AFF3: variants seen among roughly 807,000 people sequenced by gnomAD.
AFF3 encodes the protein ALF transcription elongation factor 3, also known as AF4/FMR2 family member 3.
In AFF3, 32 loss-of-function variants were observed where a neutral mutation model predicts 129.7. That is an observed-to-expected ratio of 0.25 (90% CI 0.19 to 0.33). The LOEUF (loss-of-function observed/expected upper bound fraction) is 0.33, where lower values mean the gene tolerates loss of function less well. Ranked by LOEUF, AFF3 falls within the 10% of genes least tolerant of loss-of-function variation. The probability of loss-of-function intolerance (pLI) is 1.00; values close to 1 mark genes in which losing one functional copy is unlikely to be tolerated. For synonymous variants in AFF3, 644 were observed against 635.4 expected, an observed-to-expected ratio of 1.01 and a Z score of -0.20; for missense variants, 1,373 against 1,592.0, an observed-to-expected ratio of 0.86 and a Z score of 2.34.
intron 13 of AFF3, among the ~76,000 whole-genome samples, chr2:99,616,232 T>C (rs1455268470): frequency 6.6e-6 from 1 of 152,192 alleles, no homozygotes; most frequent in Non-Finnish European, 1.5e-5. Context: ...CATTTATTCA[T>C]ATATATTTTC....
At chr2:99,702,966 A>C (rs191162342) in intron 11 of AFF3, among the ~76,000 whole-genome samples, 35 of 152,330 alleles carry the variant, frequency 2.3e-4, no homozygotes, top group African/African-American at 8.2e-4. Flanking sequence ...TTTTGTGTCA[A>C]GTCAGAGAAC....
At chr2:99,874,890 G>T (rs1459590956) in intron 7 of AFF3, among the ~76,000 whole-genome samples, 1 of 152,000 alleles carries the variant, frequency 6.6e-6, no homozygotes, top group Non-Finnish European at 1.5e-5. Flanking sequence ...ACTCAAAAAT[G>T]ATTAGGAAAA....
intron 4 of AFF3, among the ~76,000 whole-genome samples, chr2:100,030,947 A>T (rs1032803650): frequency 1.3e-5 from 2 of 152,254 alleles, no homozygotes; most frequent in Non-Finnish European, 2.9e-5. Flanking sequence ...CAAAATTCAT[A>T]GAACTTTATA....
chr2:99,678,377 C>T (rs181130386), intron 11 of AFF3, among the ~76,000 whole-genome samples: 3 of 152,322 alleles, frequency 2.0e-5, no homozygotes, highest in East Asian at 3.9e-4. Flanking sequence ...GCAGCCTACA[C>T]TTAACAGATG....
rs751789330 is a variant in AFF3, at chr2:99,565,492, G to A, written c.3114C>T (p.Leu1038=). Residue 1038 remains leucine (L), a synonymous_variant, in exon 20 of 25, where the codon CTC becomes CTT. Coordinates refer to ENST00000672756, the MANE Select transcript of AFF3 (RefSeq NM_001386135.1). ...PYTMYSETVE[L]IRYAMRLKTH... ...CAAGAAAACACGGTGCTTACCTGAT[G>A]AGCTCTACTGTTTCTGAATACATCG... 262 of 1,613,510 alleles carry A rather than the reference G, an allele frequency of 1.6e-4. 1 individual carries two copies. Among genetic ancestry groups the A allele is most frequent in the Non-Finnish European group, 2.2e-4 (258 of 1,179,604 alleles).
intron 8 of AFF3, among the ~76,000 whole-genome samples, chr2:99,811,959 T>C (rs1686825082): frequency 6.6e-6 from 1 of 152,208 alleles, no homozygotes; most frequent in Non-Finnish European, 1.5e-5. Flanking sequence ...AATATTTCAG[T>C]CATGTAAGCC....
At position 99,572,633 on chromosome 2, in the gene AFF3, C is replaced by T. The variant is rs547117277; in HGVS notation, c.2919-3718G>A. ...AAATCCAAATCAGACAAATAGGCAA[C>T]TGCATACCAAATGAATTCATCATCT... On this transcript the variant is annotated intron_variant, in intron 18 of 24. Transcript: ENST00000672756. The T allele has an allele frequency of 3.2e-4, 144 of 455,884 alleles. 1 individual carries two copies. Among genetic ancestry groups the T allele is most frequent in the South Asian group, 2.2e-3 (143 of 64,486 alleles). The allele number at this position is 455,884 out of a possible 1,614,324, so 28.2% of individuals were successfully genotyped here.
intron 2 of AFF3, among the ~76,000 whole-genome samples, chr2:100,119,802 C>G (rs1691877631): frequency 6.6e-6 from 1 of 152,156 alleles, no homozygotes; most frequent in African/African-American, 2.4e-5. Flanking sequence ...GTGTGCTCCC[C>G]CACATAGAAT....
At chr2:99,787,175 G>A (rs1476829129) in intron 8 of AFF3, among the ~76,000 whole-genome samples, 1 of 152,092 alleles carries the variant, frequency 6.6e-6, no homozygotes, top group Non-Finnish European at 1.5e-5. Context: ...GGAGGCCACG[G>A]CTGTGTGCTG....
chr2:99,750,332 T>A (rs1414115776), intron 9 of AFF3, among the ~76,000 whole-genome samples: 1 of 151,664 alleles, frequency 6.6e-6, no homozygotes, highest in African/African-American at 2.4e-5. Context: ...CAACTTTTCA[T>A]TCATCATACA....
At chr2:99,724,271 C>CTTTCTTTT (rs1411290883) in intron 11 of AFF3, among the ~76,000 whole-genome samples, 2 of 66,862 alleles carry the variant, frequency 3.0e-5, no homozygotes, top group Non-Finnish European at 5.0e-5. Context: ...AATGACCTTT[C>CTTTCTTTT]TTTTTTTTTT....
intron 8 of AFF3, among the ~76,000 whole-genome samples, chr2:99,830,926 G>C (rs552640014): frequency 6.6e-6 from 1 of 152,174 alleles, no homozygotes; most frequent in African/African-American, 2.4e-5. Context: ...TAGTTCAGTG[G>C]GGTGGGTGGC....
chr2:100,083,977 T>A (rs530975433), intron 4 of AFF3, among the ~76,000 whole-genome samples: 1 of 152,310 alleles, frequency 6.6e-6, no homozygotes, highest in East Asian at 1.9e-4. Context: ...CAAAGTTCTA[T>A]GACTTCATCA....
In AFF3 at chr2:100,014,326, C is replaced by T. The variant is rs547455211; in HGVS notation, c.54-5394G>A. Among the ~76,000 whole-genome samples the T allele has an allele frequency of 1.6e-4, 24 of 152,206 alleles. 1 individual carries two copies. The South Asian group carries it at 5.0e-3, about 32-fold the overall frequency. On this transcript the variant is annotated intron_variant, in intron 4 of 24. Transcript: ENST00000672756. Reference sequence around the variant, plus strand: ...AATTCAAGGAGAAGAGAATGAACCACCTCTCACCTATCTTTTGGAAAAAGT... The same window carrying T: ...AATTCAAGGAGAAGAGAATGAACCATCTCTCACCTATCTTTTGGAAAAAGT...
chr2:100,032,987 G>T (rs915932245), intron 4 of AFF3, among the ~76,000 whole-genome samples: 4 of 152,126 alleles, frequency 2.6e-5, no homozygotes, highest in Admixed American at 6.5e-5. Context: ...TTTCAAGATT[G>T]GCTTGTTATG....
intron 8 of AFF3, among the ~76,000 whole-genome samples, chr2:99,830,517 C>T (rs1246290150): frequency 6.6e-6 from 1 of 152,102 alleles, no homozygotes; most frequent in African/African-American, 2.4e-5. Context: ...TTTGGGAGGC[C>T]GAGACAGGTG....
At chr2:100,024,105 G>A (rs1212312258) in intron 4 of AFF3, among the ~76,000 whole-genome samples, 10 of 151,464 alleles carry the variant, frequency 6.6e-5, no homozygotes, top group African/African-American at 1.5e-4. Context: ...GGTGGCGGGC[G>A]CCTGTAGTCC....
At chr2:99,802,473 C>A (rs957502616) in intron 8 of AFF3, among the ~76,000 whole-genome samples, 1 of 152,076 alleles carries the variant, frequency 6.6e-6, no homozygotes, top group African/African-American at 2.4e-5. Context: ...CCTGCCTGGG[C>A]AAGATGGTGA....
At chr2:99,842,485 T>C (rs530155510) in intron 7 of AFF3, among the ~76,000 whole-genome samples, 1 of 152,332 alleles carries the variant, frequency 6.6e-6, no homozygotes, top group African/African-American at 2.4e-5. Flanking sequence ...GCTGAGTTGC[T>C]GAGCTGTTGC....
Sources: allele counts gnomAD v4.1 joint callset (sites outside exome capture counted in the v4.1 genomes callset), GRCh38; gene constraint gnomAD v4.1.1; transcripts MANE v1.5; gene names NCBI Gene and HGNC (gene_info 2026-07-23, HGNC 2026-07-21).